Variants in AFF3 observed in about 807,000 individuals in gnomAD.
AFF3 encodes AF4/FMR2 family member 3.
In AFF3, 32 loss-of-function variants were observed where a neutral mutation model predicts 129.7. The observed-to-expected ratio is 0.25, with a 90% CI of 0.19 to 0.33. AFF3 has a LOEUF of 0.33. AFF3 is among the 10% of genes least tolerant of loss of function. The pLI, the probability that AFF3 is intolerant of heterozygous loss-of-function variation, is 1.00. For synonymous variants in AFF3, 644 were observed against 635.4 expected, an observed-to-expected ratio of 1.01 and a Z score of -0.20; for missense variants, 1,373 against 1,592.0, an observed-to-expected ratio of 0.86 and a Z score of 2.34.
rs551469138 is a variant in AFF3, at chr2:99,945,236, T to C, written c.873+61396A>G. 4.6e-5 allele frequency among the ~76,000 whole-genome samples: 7 copies of C among 152,350 alleles called. No individual in the cohort carries two copies. The East Asian group carries it at 1.3e-3, about 29-fold the overall frequency. ...AGCAAACAGATGCTGAAGTCTTCTT[T>C]ACACACAGAATTAGCAAAACTAGTA... On this transcript the variant is annotated intron_variant, in intron 7 of 24. Coordinates refer to ENST00000672756, the MANE Select transcript of AFF3 (RefSeq NM_001386135.1).
chr2:100,076,147 G>A (rs1407715136), intron 4 of AFF3, among the ~76,000 whole-genome samples: 1 of 152,158 alleles, frequency 6.6e-6, no homozygotes, highest in African/African-American at 2.4e-5. Flanking sequence ...CAGAGCAGCT[G>A]GTGTTCATGG....
At chr2:99,984,391 G>A (rs1038171977) in intron 7 of AFF3, among the ~76,000 whole-genome samples, 2 of 152,068 alleles carry the variant, frequency 1.3e-5, no homozygotes, top group African/African-American at 2.4e-5. Context: ...AGTTTTATGC[G>A]AAGTCCTTAC....
intron 8 of AFF3, among the ~76,000 whole-genome samples, chr2:99,811,158 T>C (rs1233829732): frequency 1.3e-5 from 2 of 152,218 alleles, no homozygotes; most frequent in Non-Finnish European, 2.9e-5. Context: ...TATTTATCTA[T>C]TGAGAGCAAT....
At chr2:99,635,807 T>G (rs1476707114) in intron 13 of AFF3, among the ~76,000 whole-genome samples, 1 of 152,128 alleles carries the variant, frequency 6.6e-6, no homozygotes, top group Non-Finnish European at 1.5e-5. Flanking sequence ...GATACTGACA[T>G]TTGTCCCCTG....
chr2:100,107,229 C>T, intron 2 of AFF3: 1 of 985,214 alleles, frequency 1.0e-6, no homozygotes, highest in Non-Finnish European at 1.2e-6. Context: ...GAGATAAATC[C>T]AAAATAGTTT....
At chr2:99,561,854 T>C (rs943237080) in intron 20 of AFF3, among the ~76,000 whole-genome samples, 21 of 152,222 alleles carry the variant, frequency 1.4e-4, no homozygotes, top group Admixed American at 4.6e-4. Flanking sequence ...TAAGGGTGGG[T>C]CTTTTAGAGA....
intron 18 of AFF3, among the ~76,000 whole-genome samples, chr2:99,571,495 TA>T (rs1181603131): frequency 1.3e-5 from 2 of 152,186 alleles, no homozygotes; most frequent in Non-Finnish European, 2.9e-5. Flanking sequence ...GGCATATTTT[TA>T]AATCCTGATA....
intron 7 of AFF3, among the ~76,000 whole-genome samples, chr2:99,899,846 C>G (rs1694224066): frequency 6.6e-6 from 1 of 152,196 alleles, no homozygotes; most frequent in Non-Finnish European, 1.5e-5. Context: ...AAAGTAACTG[C>G]TAGGGTCTCC....
chr2:99,718,235 A>C (rs1678559701), intron 11 of AFF3, among the ~76,000 whole-genome samples: 1 of 152,196 alleles, frequency 6.6e-6, no homozygotes, highest in Non-Finnish European at 1.5e-5. Context: ...GATTGTGTTG[A>C]ATCTATAGAT....
chr2:99,975,208 C>T (rs559693138), intron 7 of AFF3, among the ~76,000 whole-genome samples: 28 of 152,268 alleles, frequency 1.8e-4, no homozygotes, highest in African/African-American at 2.9e-4. Flanking sequence ...GAGGGATACA[C>T]GGTTGACTTG....
At chr2:100,106,557 T>TG (rs1691310320) in intron 2 of AFF3, 5 of 995,844 alleles carry the variant, frequency 5.0e-6, no homozygotes, top group Non-Finnish European at 6.0e-6. Flanking sequence ...GAACAAAGGC[T>TG]GGGGGTGGAG....
intron 7 of AFF3, among the ~76,000 whole-genome samples, chr2:99,945,887 A>G (rs1233571563): frequency 6.6e-6 from 1 of 152,348 alleles, no homozygotes; most frequent in South Asian, 2.1e-4. Context: ...CCTGTGAAGG[A>G]TGTGACAGAG....
chr2:99,649,672 AG>A lies in AFF3; in HGVS notation c.1144-7del. On this transcript the variant is annotated splice_region_variant and splice_polypyrimidine_tract_variant and intron_variant, in intron 12 of 24. Coordinates refer to ENST00000672756, the MANE Select transcript of AFF3 (RefSeq NM_001386135.1). ...GCCGTTCTCTGAGCTGCCTGCTGGA[AG>A]AAAGAAAGGGCAGAGATGTTTATTT... 1.9e-6 allele frequency: 3 copies of A among 1,614,110 alleles called. No homozygotes were observed. The highest frequency in any genetic ancestry group is 2.5e-6 in the Non-Finnish European group (3 of 1,179,940).
chr2:100,099,617 T>C (rs1447694545), intron 4 of AFF3, among the ~76,000 whole-genome samples: 1 of 152,064 alleles, frequency 6.6e-6, no homozygotes, highest in Non-Finnish European at 1.5e-5. Context: ...ATGAATATCT[T>C]ACTTTCAACA....
At chr2:99,611,758 G>A (rs60130538) in intron 13 of AFF3, among the ~76,000 whole-genome samples, 71,357 of 151,368 alleles carry the variant, frequency 0.47, 16,908 homozygotes, top group Non-Finnish European at 0.49. Flanking sequence ...GTGGTGGCGC[G>A]CGCCTGTAAT....
chr2:100,114,369 T>C (rs1192721338), intron 2 of AFF3, among the ~76,000 whole-genome samples: 1 of 152,144 alleles, frequency 6.6e-6, no homozygotes, highest in Admixed American at 6.5e-5. Flanking sequence ...GGTCACAGGC[T>C]CATGAAGCCA....
intron 11 of AFF3, among the ~76,000 whole-genome samples, chr2:99,714,941 T>C (rs1169828416): frequency 6.6e-6 from 1 of 152,250 alleles, no homozygotes. Flanking sequence ...AAGTTGCACA[T>C]TATGTACCTG....
At chr2:99,996,488 G>A (rs1209128493) in intron 7 of AFF3, among the ~76,000 whole-genome samples, 2 of 150,044 alleles carry the variant, frequency 1.3e-5, no homozygotes, top group African/African-American at 4.9e-5. Context: ...CGGCTCATGA[G>A]TAGTTGGGAC....
chr2:99,793,758 C>CATTTTCT lies in AFF3; in HGVS notation c.922-41464_922-41458dup, dbSNP rs1685371167. Among the ~76,000 whole-genome samples, 3 of 152,144 alleles carry CATTTTCT rather than the reference C, an allele frequency of 2.0e-5. No homozygotes were observed. The South Asian group carries it at 6.2e-4, about 32-fold the overall frequency. On this transcript the variant is annotated intron_variant, in intron 8 of 24. Transcript: ENST00000672756. The stretch of plus-strand genomic sequence containing the variant: ...TTCATAAATTTTCAGTATCTTTGTC[C>CATTTTCT]ATTTTCTATTTTTAATGAGTTCTGC...
Sources: allele counts gnomAD v4.1 joint callset (sites outside exome capture counted in the v4.1 genomes callset), GRCh38; gene constraint gnomAD v4.1.1; transcripts MANE v1.5; gene names NCBI Gene and HGNC (gene_info 2026-07-23, HGNC 2026-07-21).